ZC3H12B: variants seen among roughly 807,000 people sequenced by gnomAD.
ZC3H12B encodes probable ribonuclease ZC3H12B.
Under a neutral mutation model 43.9 loss-of-function variants are expected in ZC3H12B, and 7 were observed. That is an observed-to-expected ratio of 0.16 (90% confidence interval 0.09 to 0.30). The LOEUF (loss-of-function observed/expected upper bound fraction) is 0.30. ZC3H12B is among the 10% of genes least tolerant of loss of function. ZC3H12B has a pLI of 1.00. For synonymous variants in ZC3H12B, 222 were observed against 241.7 expected, an observed-to-expected ratio of 0.92 and a Z score of 0.76; for missense variants, 475 against 670.2, an observed-to-expected ratio of 0.71 and a Z score of 3.22.
the ZC3H12B span, among the ~76,000 whole-genome samples, chrX:65,093,938 C>G: frequency 9.0e-6 from 1 of 110,935 alleles, no homozygotes. Context: ...ACCTGTATCC[C>G]CACCCAAATA....
intron 3 of ZC3H12B, among the ~76,000 whole-genome samples, chrX:65,431,459 A>T (rs774794224): frequency 8.9e-6 from 1 of 112,510 alleles, no homozygotes; most frequent in East Asian, 2.8e-4. Flanking sequence ...GGTGAGTTGC[A>T]GTTCATGTTG....
the ZC3H12B span, among the ~76,000 whole-genome samples, chrX:65,086,576 A>T: frequency 1.8e-5 from 2 of 111,382 alleles, no homozygotes; most frequent in Non-Finnish European, 3.8e-5. Context: ...GGTTATAAGC[A>T]CAGAGTTTTC....
At chrX:65,153,112 C>A in the ZC3H12B span, among the ~76,000 whole-genome samples, 1 of 111,921 alleles carries the variant, frequency 8.9e-6, no homozygotes, top group Non-Finnish European at 1.9e-5. Context: ...AAATGATAGG[C>A]CTAAAACCAT....
the ZC3H12B span, among the ~76,000 whole-genome samples, chrX:65,211,779 T>A: frequency 1.2e-5 from 1 of 82,825 alleles, no homozygotes; most frequent in Admixed American, 1.7e-4. Flanking sequence ...TGTTATATAA[T>A]ATATTATAAA....
the ZC3H12B span, among the ~76,000 whole-genome samples, chrX:65,188,709 G>A: frequency 9.1e-6 from 1 of 109,582 alleles, no homozygotes; most frequent in East Asian, 2.8e-4. Context: ...TTTTTAGATT[G>A]TTGTTGGCAT....
chrX:65,435,655 TAGATAG>T, intron 3 of ZC3H12B, among the ~76,000 whole-genome samples: 1 of 104,273 alleles, frequency 9.6e-6, no homozygotes, highest in South Asian at 4.3e-4. Context: ...GATAGATAGA[TAGATAG>T]ATAGATAGAT....
chrX:65,174,706 G>T, the ZC3H12B span, among the ~76,000 whole-genome samples: 11 of 111,530 alleles, frequency 9.9e-5, no homozygotes, highest in Admixed American at 1.9e-4. Flanking sequence ...CCTTAGTAAT[G>T]GTGGACACTT....
chrX:65,407,629 G>A (rs2066848374), intron 3 of ZC3H12B, among the ~76,000 whole-genome samples: 2 of 113,588 alleles, frequency 1.8e-5, no homozygotes, highest in Admixed American at 1.8e-4. Context: ...CCGAAGAGGA[G>A]GCGGACCAGG....
chrX:65,320,758 T>A, the ZC3H12B span, among the ~76,000 whole-genome samples: 1 of 111,923 alleles, frequency 8.9e-6, no homozygotes. Flanking sequence ...CCTACAACTA[T>A]CTGGTCTTTG....
At chrX:65,209,640 A>G in the ZC3H12B span, among the ~76,000 whole-genome samples, 1 of 109,925 alleles carries the variant, frequency 9.1e-6, no homozygotes, top group Non-Finnish European at 1.9e-5. Flanking sequence ...TGGTGCTGAA[A>G]AAAATGTATA....
At chrX:65,232,368 C>T in the ZC3H12B span, among the ~76,000 whole-genome samples, 1 of 111,567 alleles carries the variant, frequency 9.0e-6, no homozygotes, top group Non-Finnish European at 1.9e-5. Flanking sequence ...TCAGCTGGTC[C>T]CTCCGTTCGG....
the ZC3H12B span, among the ~76,000 whole-genome samples, chrX:65,221,244 A>C: frequency 1.8e-5 from 2 of 111,989 alleles, no homozygotes; most frequent in Admixed American, 1.9e-4. Flanking sequence ...GCCTACATCA[A>C]AAAATCTGAA....
the ZC3H12B span, among the ~76,000 whole-genome samples, chrX:65,194,469 G>T: frequency 9.0e-6 from 1 of 111,382 alleles, no homozygotes; most frequent in East Asian, 2.8e-4. Flanking sequence ...CTTAATTTCT[G>T]TGTCTGCATA....
the ZC3H12B span, among the ~76,000 whole-genome samples, chrX:65,150,872 G>A: frequency 1.4e-4 from 16 of 110,915 alleles, no homozygotes; most frequent in African/African-American, 4.9e-4. Flanking sequence ...CCATAAATCT[G>A]GCTGCAAAGT....
At chrX:65,129,397 AAG>A in the ZC3H12B span, among the ~76,000 whole-genome samples, 1 of 109,374 alleles carries the variant, frequency 9.1e-6, no homozygotes, top group African/African-American at 3.3e-5. Context: ...AGCCTGAAAA[AAG>A]AGTCAGCAAA....
exon 5 of ZC3H12B, chrX:65,503,360 TCTTA>T: frequency 2.1e-6 from 1 of 484,435 alleles, no homozygotes; most frequent in Non-Finnish European, 3.2e-6. Flanking sequence ...GTGAGGTACG[TCTTA>T]CTAACATCCT....
chrX:65,138,339 C>CT, the ZC3H12B span, among the ~76,000 whole-genome samples: 1 of 111,349 alleles, frequency 9.0e-6, no homozygotes, highest in Non-Finnish European at 1.9e-5. Flanking sequence ...TGGAATTCAT[C>CT]TTTTTTGCCT....
At chrX:65,498,232 G>A in intron 2 of ZC3H12B, among the ~76,000 whole-genome samples, 1 of 111,693 alleles carries the variant, frequency 9.0e-6, no homozygotes, top group African/African-American at 3.3e-5. Flanking sequence ...ATGGAGGAAG[G>A]AGCCTAGGAA....
the ZC3H12B span, among the ~76,000 whole-genome samples, chrX:65,121,303 TATTA>T: frequency 9.0e-6 from 1 of 111,238 alleles, no homozygotes; most frequent in African/African-American, 3.3e-5. Flanking sequence ...GTTGGTAAGG[TATTA>T]ATTATTGCCT....
Sources: allele counts gnomAD v4.1 joint callset (sites outside exome capture counted in the v4.1 genomes callset), GRCh38; gene constraint gnomAD v4.1.1; transcripts MANE v1.5; gene names NCBI Gene and HGNC (gene_info 2026-07-23, HGNC 2026-07-21).